The following MGA variants were observed in gnomAD, a reference collection of about 807,000 sequenced individuals.
MGA encodes the protein MAX gene-associated protein.
MGA carries 40 observed loss-of-function variants against 261.1 expected under a neutral mutation model. That is an observed-to-expected ratio of 0.15 (90% confidence interval 0.12 to 0.20). MGA has a LOEUF of 0.20. Ranked by LOEUF, MGA falls within the 10% of genes least tolerant of loss-of-function variation. The pLI is 1.00. For synonymous variants in MGA, 1,302 were observed against 1,290.6 expected (o/e 1.01, Z -0.19); for missense variants, 3,397 against 3,630.5 (o/e 0.94, Z 1.65).
rs2063715114 is a variant in MGA, at chr15:41,764,827, A to G, written c.7745-59A>G. The G allele has an allele frequency of 1.4e-5, 22 of 1,549,918 alleles. No individual in the cohort carries two copies. In the South Asian group the frequency reaches 1.9e-4, roughly 14 times the overall value. On this transcript the variant is annotated intron_variant, in intron 22 of 23. Coordinates refer to ENST00000219905, the MANE Select transcript of MGA (RefSeq NM_001164273.2). Reference sequence around the variant, plus strand: ...CCAAAGTGCTGGGATTACAGGCATGAGCCACCACACCCAGCTGAATGCCTT... The same window carrying G: ...CCAAAGTGCTGGGATTACAGGCATGGGCCACCACACCCAGCTGAATGCCTT...
chr15:41,754,050 C>T (rs1353302656), intron 17 of MGA, among the ~76,000 whole-genome samples: 1 of 152,110 alleles, frequency 6.6e-6, no homozygotes, highest in African/African-American at 2.4e-5. Context: ...TTCCGAGTAG[C>T]TGTAATTATA....
intron 1 of MGA, among the ~76,000 whole-genome samples, chr15:41,622,924 G>T (rs1234897378): frequency 6.6e-6 from 1 of 152,172 alleles, no homozygotes; most frequent in Non-Finnish European, 1.5e-5. Flanking sequence ...AATTTTGTGC[G>T]AACACATCTG....
chr15:41,692,416 G>A (rs544020845), intron 2 of MGA, among the ~76,000 whole-genome samples: 4 of 152,318 alleles, frequency 2.6e-5, no homozygotes, highest in African/African-American at 9.6e-5. Context: ...GGCATTAAAA[G>A]TTGGTTTCTC....
At position 41,624,073 on chromosome 15, in the gene MGA, T is replaced by A. The variant is rs1045013056; in HGVS notation, c.-68+2775T>A. On this transcript the variant is annotated intron_variant, in intron 1 of 8. Coordinates refer to the MGA transcript ENST00000566718. ...GAGCCACCGAGCCCAGCAAATTAAA[T>A]TTTTTTTTTTTTTGAGGGTCTCACT... 5.0e-5 allele frequency among the ~76,000 whole-genome samples: 7 copies of A among 139,702 alleles called. No individual in the cohort carries two copies. The East Asian group carries it at 8.1e-4, about 16-fold the overall frequency. 91.6% of individuals were successfully genotyped at this position (139,702 alleles called of 152,430 possible).
At chr15:41,703,911 A>G (rs2059980499) in intron 5 of MGA, among the ~76,000 whole-genome samples, 1 of 152,076 alleles carries the variant, frequency 6.6e-6, no homozygotes, top group African/African-American at 2.4e-5. Context: ...CCTGAGCCCC[A>G]GTGATCACAT....
chr15:41,659,699 A>T (rs1355722097), upstream of MGA, among the ~76,000 whole-genome samples: 4 of 152,222 alleles, frequency 2.6e-5, no homozygotes, highest in African/African-American at 9.7e-5. Flanking sequence ...CAAAAATTGA[A>T]TGCACAGGAT....
At position 41,729,336 on chromosome 15, in the gene MGA, A is replaced by G. The variant is rs376188279; in HGVS notation, c.3830A>G (p.His1277Arg). Residue 1277 changes from histidine to arginine, a missense_variant, in exon 11 of 24, where the codon CAT (histidine) becomes CGT (arginine). By Grantham distance (29) the His-to-Arg change is conservative. Around this residue, in one of 9 missense-constraint regions of MGA, gnomAD observed 1,410 missense variants for 1,386.4 expected, o/e 1.02. Transcript: ENST00000219905. ...TCATGTCATTCTAGCCCTGAGAACCATAATAATGCAAAGGTGAGTTTCTTG... is the reference window on the plus strand; with the variant it reads ...TCATGTCATTCTAGCCCTGAGAACCGTAATAATGCAAAGGTGAGTTTCTTG... 1.9e-6 allele frequency: 3 copies of G among 1,610,494 alleles called. No individual in the cohort carries two copies. Among genetic ancestry groups the G allele is most frequent in the Admixed American group, 1.7e-5 (1 of 58,726 alleles).
intron 12 of MGA, among the ~76,000 whole-genome samples, chr15:41,734,853 C>A (rs1055744912): frequency 3.3e-5 from 5 of 151,718 alleles, no homozygotes; most frequent in African/African-American, 1.2e-4. Context: ...AGGTTGAGGT[C>A]AGTGAGTTTT....
chr15:41,658,408 T>A (rs1464448971), upstream of MGA, among the ~76,000 whole-genome samples: 9 of 152,120 alleles, frequency 5.9e-5, no homozygotes, highest in Admixed American at 5.2e-4. Context: ...AATGCTGCAT[T>A]AAAAGTTGAA....
chr15:41,701,956 C>A (rs2059875866), intron 5 of MGA, among the ~76,000 whole-genome samples: 1 of 151,564 alleles, frequency 6.6e-6, no homozygotes, highest in Admixed American at 6.6e-5. Flanking sequence ...GAAGTGGAGT[C>A]CTGTTTTGGG....
intron 10 of MGA, among the ~76,000 whole-genome samples, chr15:41,728,056 G>A (rs1223255135): frequency 2.6e-5 from 4 of 152,274 alleles, no homozygotes; most frequent in South Asian, 2.1e-4. Context: ...TGGGCCGGGC[G>A]CGGTGGCTCA....
intron 22 of MGA, among the ~76,000 whole-genome samples, chr15:41,764,218 C>T (rs949278764): frequency 6.6e-6 from 1 of 151,006 alleles, no homozygotes; most frequent in Non-Finnish European, 1.5e-5. Flanking sequence ...TTTGGATAGC[C>T]CAGTGTATGA....
At chr15:41,668,115 T>TA (rs1478072312) in intron 1 of MGA, among the ~76,000 whole-genome samples, 1 of 151,780 alleles carries the variant, frequency 6.6e-6, no homozygotes, top group Non-Finnish European at 1.5e-5. Flanking sequence ...CATATAGTAT[T>TA]AAATTTATCA....
chr15:41,742,928 C>T lies in MGA; in HGVS notation c.4968C>T (p.Ala1656=), dbSNP rs1420154820. ...CTGTAACATCTACCCAGTCTACAGC[C>T]ACTGTGAACCTTACCAAAACCACTG... is the stretch of plus-strand genomic sequence containing the variant. Residue 1656 remains alanine, a synonymous_variant, in exon 15 of 24, where the codon GCC becomes GCT. Transcript: ENST00000219905. 6.2e-7 allele frequency: 1 copy of T among 1,613,880 alleles called. No individual in the cohort carries two copies. The highest frequency in any genetic ancestry group is 8.5e-7 in the Non-Finnish European group (1 of 1,179,898).
chr15:41,632,554 C>T (rs1165764382), intron 1 of MGA, among the ~76,000 whole-genome samples: 1 of 152,102 alleles, frequency 6.6e-6, no homozygotes, highest in East Asian at 1.9e-4. Context: ...CATACCTTAC[C>T]GAAATGGTTA....
rs748830175 is a variant in MGA, at chr15:41,749,671, A to G, written c.6064A>G (p.Asn2022Asp). Reference sequence around the variant, plus strand: ...AGCTGCTACCTCAGAAGAAACTCTGAATGATTCCTTGGAAGATAGGGGTGA... The same window carrying G: ...AGCTGCTACCTCAGAAGAAACTCTGGATGATTCCTTGGAAGATAGGGGTGA... The change falls in exon 17 of 24, where the codon AAT becomes GAT. Residue 2022 changes from asparagine (N) to aspartate (D), a missense_variant. By Grantham distance (23) the Asn-to-Asp change is conservative (BLOSUM62 1). This residue lies in a region of MGA where 1,410 missense variants were observed against 1,386.4 expected (regional missense o/e 1.02). Transcript: ENST00000219905. The G allele has an allele frequency of 6.2e-7, 1 of 1,614,044 alleles. No individual in the cohort carries two copies. The highest frequency in any genetic ancestry group is 8.5e-7 in the Non-Finnish European group (1 of 1,179,894).
chr15:41,744,214 A>AT (rs1044819361), intron 15 of MGA, among the ~76,000 whole-genome samples: 24 of 151,680 alleles, frequency 1.6e-4, no homozygotes, highest in East Asian at 1.5e-3. Context: ...ATATATATAT[A>AT]TTTTTTTGAG....
chr15:41,765,880 T>C (rs2063772568), intron 23 of MGA, 124 bp from the exon 24 acceptor site: 6 of 723,432 alleles, frequency 8.3e-6, no homozygotes, highest in Non-Finnish European at 1.3e-5. Context: ...ATCTTTTTGA[T>C]AAAAGTAGAG....
chr15:41,766,277 A>G lies in MGA; in HGVS notation c.8195A>G (p.Asp2732Gly). ...GATTCTGGTTATCCACAAATAGTTG[A>G]CGTTTCCAATATGCAGAAAGCACAA... The change falls in exon 24 of 24, where the codon GAC becomes GGC. Residue 2732 changes from aspartate to glycine, a missense_variant. By Grantham distance (94) the Asp-to-Gly change is moderately conservative. Coordinates refer to ENST00000219905, the MANE Select transcript of MGA (RefSeq NM_001164273.2). 1 of 1,614,016 alleles carries G rather than the reference A, an allele frequency of 6.2e-7. No homozygotes were observed. The highest frequency in any genetic ancestry group is 1.1e-5 in the South Asian group (1 of 91,084).
Sources: allele counts gnomAD v4.1 joint callset (sites outside exome capture counted in the v4.1 genomes callset), GRCh38; gene constraint gnomAD v4.1.1; regional missense constraint gnomAD v4.1.1; transcripts MANE v1.5; gene names NCBI Gene and HGNC (gene_info 2026-07-23, HGNC 2026-07-21).